The following ATP10B variants were observed in gnomAD, a reference collection of about 807,000 sequenced individuals.
The protein encoded by ATP10B is ATPase phospholipid transporting 10B (putative).
A neutral mutation model predicts 141.2 loss-of-function variants in ATP10B; 122 were observed. That is an observed-to-expected ratio of 0.86 (90% CI 0.75 to 1.00). ATP10B has a LOEUF of 1.00. Ranked by LOEUF, ATP10B falls within the 50% of genes least tolerant of loss-of-function variation. ATP10B has a pLI of 0.00. For synonymous variants in ATP10B, 685 were observed against 692.0 expected (o/e 0.99, Z 0.16); for missense variants, 1,876 against 1,825.3 (o/e 1.03, Z -0.51).
At chr5:160,895,122 G>A in the ATP10B span, among the ~76,000 whole-genome samples, 31 of 152,218 alleles carry the variant, frequency 2.0e-4, no homozygotes, top group African/African-American at 7.0e-4. Context: ...AAAGACCATC[G>A]AAATTATGAA....
At chr5:160,781,619 A>T (rs941976130) in intron 2 of ATP10B, among the ~76,000 whole-genome samples, 1 of 152,186 alleles carries the variant, frequency 6.6e-6, no homozygotes, top group African/African-American at 2.4e-5. Context: ...ATTTATGGAA[A>T]GAGAAAAAAT....
At chr5:160,900,941 T>A in the ATP10B span, among the ~76,000 whole-genome samples, 1 of 139,110 alleles carries the variant, frequency 7.2e-6, no homozygotes, top group Admixed American at 7.4e-5. Flanking sequence ...TTTTAAGTCT[T>A]ATAATCTCGG....
At chr5:160,668,890 A>C (rs1190887877) in intron 7 of ATP10B, among the ~76,000 whole-genome samples, 2 of 152,208 alleles carry the variant, frequency 1.3e-5, no homozygotes, top group African/African-American at 4.8e-5. Context: ...GTTTTATGAG[A>C]GCTGTTTATC....
chr5:160,752,302 A>G (rs1461560928), intron 2 of ATP10B, among the ~76,000 whole-genome samples: 1 of 151,414 alleles, frequency 6.6e-6, no homozygotes, highest in Non-Finnish European at 1.5e-5. Context: ...ATAGTGGATT[A>G]CCCTAAAGTC....
the ATP10B span, among the ~76,000 whole-genome samples, chr5:160,892,219 G>T: frequency 3.9e-4 from 59 of 152,242 alleles, 1 homozygote; most frequent in South Asian, 8.3e-3. Context: ...AGGCCTCCTG[G>T]GATTCACGTG....
the ATP10B span, among the ~76,000 whole-genome samples, chr5:160,881,025 T>C: frequency 2.0e-5 from 3 of 152,078 alleles, no homozygotes; most frequent in Non-Finnish European, 2.9e-5. Flanking sequence ...GGAGGAAATA[T>C]TTACACAAGA....
At chr5:160,684,820 A>G (rs1022183827) in intron 6 of ATP10B, 21 of 671,620 alleles carry the variant, frequency 3.1e-5, no homozygotes, top group Admixed American at 1.5e-4. Context: ...ACTTCCCCAG[A>G]GTTTTTTGCT....
the ATP10B span, among the ~76,000 whole-genome samples, chr5:160,922,016 C>T: frequency 1.3e-5 from 2 of 152,194 alleles, no homozygotes; most frequent in Non-Finnish European, 2.9e-5. Flanking sequence ...GGGAACACAA[C>T]CCCAGGCATT....
chr5:160,649,318 C>G (rs1238827542), intron 7 of ATP10B, 62 bp from the exon 8 acceptor site: 2 of 1,172,570 alleles, frequency 1.7e-6, no homozygotes, highest in Non-Finnish European at 2.6e-6. Flanking sequence ...AATAGGATCA[C>G]TGGGAGAGCT....
chr5:160,752,428 C>T (rs966165522), intron 2 of ATP10B, among the ~76,000 whole-genome samples: 3 of 152,080 alleles, frequency 2.0e-5, no homozygotes, highest in East Asian at 1.9e-4. Context: ...TACAAGGACT[C>T]CCTCTCAAAG....
the ATP10B span, among the ~76,000 whole-genome samples, chr5:160,861,339 A>T: frequency 6.6e-6 from 1 of 151,956 alleles, no homozygotes; most frequent in South Asian, 2.1e-4. Flanking sequence ...AGCATATAAA[A>T]CATGAATAAA....
chr5:160,790,727 G>A (rs750795119), intron 1 of ATP10B, among the ~76,000 whole-genome samples: 1 of 152,144 alleles, frequency 6.6e-6, no homozygotes, highest in Admixed American at 6.6e-5. Flanking sequence ...GCAGAATAAT[G>A]GCTCCCTGAA....
chr5:160,758,524 C>A lies in ATP10B; in HGVS notation c.-331+27035G>T, dbSNP rs151253578. 3.0e-3 allele frequency among the ~76,000 whole-genome samples: 462 copies of A among 152,276 alleles called. 1 individual carries two copies. The highest frequency in any genetic ancestry group is 0.01 in the African/African-American group (416 of 41,558). On this transcript the variant is annotated intron_variant, in intron 2 of 25. Coordinates refer to ENST00000327245, the MANE Select transcript of ATP10B (RefSeq NM_025153.3). ...AAGAGAAGATGCTTATCTGACTGAT[C>A]AAAACATTGACATGGAGGGAACTAG...
chr5:160,617,643 C>G (rs1373668902), intron 16 of ATP10B, among the ~76,000 whole-genome samples: 1 of 152,100 alleles, frequency 6.6e-6, no homozygotes, highest in Non-Finnish European at 1.5e-5. Flanking sequence ...TAATGAAAAG[C>G]AGGGCATGGC....
chr5:160,718,550 T>C (rs1765789939), intron 2 of ATP10B, among the ~76,000 whole-genome samples: 2 of 152,228 alleles, frequency 1.3e-5, no homozygotes, highest in South Asian at 4.1e-4. Context: ...GGCATAGCTC[T>C]GCTTTTTGGT....
At chr5:160,922,698 T>C in the ATP10B span, among the ~76,000 whole-genome samples, 1 of 152,238 alleles carries the variant, frequency 6.6e-6, no homozygotes, top group Non-Finnish European at 1.5e-5. Flanking sequence ...CACACACTTG[T>C]CTTAGAAGCT....
chr5:160,817,262 T>G (rs929246544), intron 1 of ATP10B, among the ~76,000 whole-genome samples: 1 of 152,142 alleles, frequency 6.6e-6, no homozygotes, highest in Non-Finnish European at 1.5e-5. Flanking sequence ...CTCCATTGTC[T>G]CAGCCCAAAA....
intron 2 of ATP10B, among the ~76,000 whole-genome samples, chr5:160,762,991 G>T (rs1476280995): frequency 6.6e-6 from 1 of 152,000 alleles, no homozygotes; most frequent in Non-Finnish European, 1.5e-5. Context: ...AATGATAAAA[G>T]GATTAGTCCA....
chr5:160,838,471 A>C (rs572171201), intron 1 of ATP10B, among the ~76,000 whole-genome samples: 3 of 152,306 alleles, frequency 2.0e-5, no homozygotes, highest in Admixed American at 2.0e-4. Context: ...AGAGCCTCAA[A>C]ATACTTAAGC....
Sources: allele counts gnomAD v4.1 joint callset (sites outside exome capture counted in the v4.1 genomes callset), GRCh38; gene constraint gnomAD v4.1.1; transcripts MANE v1.5; gene names NCBI Gene and HGNC (gene_info 2026-07-23, HGNC 2026-07-21).